POLN: variants seen among roughly 807,000 people sequenced by gnomAD.
POLN encodes DNA polymerase N.
Under a neutral mutation model 113.5 loss-of-function variants are expected in POLN, and 108 were observed. The observed-to-expected ratio is 0.95, with a 90% CI of 0.81 to 1.12. The LOEUF is 1.12. POLN is among the 50% of genes most tolerant of loss of function. The pLI, the probability that POLN is intolerant of heterozygous loss-of-function variation, is 0.00. For missense variants in POLN, 1,097 were observed against 1,077.1 expected (o/e 1.02, Z -0.26); for synonymous variants, 386 against 391.5 (o/e 0.99, Z 0.17).
At chr4:2,191,596 G>A (rs988747508) in intron 7 of POLN, among the ~76,000 whole-genome samples, 4 of 151,988 alleles carry the variant, frequency 2.6e-5, no homozygotes, top group African/African-American at 9.7e-5. Flanking sequence ...AATATCACAA[G>A]TTCCCCCAAA....
chr4:2,215,133 T>C (rs1295309130), intron 3 of POLN, among the ~76,000 whole-genome samples: 1 of 151,610 alleles, frequency 6.6e-6, no homozygotes, highest in Non-Finnish European at 1.5e-5. Flanking sequence ...GGACTGAAAA[T>C]AAAGTAGATA....
chr4:2,155,589 C>T (rs192449493), intron 16 of POLN, among the ~76,000 whole-genome samples: 44 of 152,254 alleles, frequency 2.9e-4, no homozygotes, highest in Non-Finnish European at 1.5e-5. Flanking sequence ...ACACATGTTA[C>T]GGAGGGAAGG....
chr4:2,081,855 G>C (rs1249809094), intron 21 of POLN, 112 bp from the exon 22 acceptor site: 7 of 822,970 alleles, frequency 8.5e-6, no homozygotes, highest in African/African-American at 1.7e-5. Flanking sequence ...CTGCAGTGCA[G>C]ACTCCAAGCC....
chr4:2,233,003 A>T (rs184406121), intron 2 of POLN, among the ~76,000 whole-genome samples: 1 of 152,244 alleles, frequency 6.6e-6, no homozygotes, highest in Admixed American at 6.5e-5. Context: ...TAAATTACTT[A>T]ATCTCTGTAC....
At chr4:2,135,280 CG>C (rs755017440) in intron 16 of POLN, among the ~76,000 whole-genome samples, 6 of 152,124 alleles carry the variant, frequency 3.9e-5, no homozygotes, top group Non-Finnish European at 8.8e-5. Flanking sequence ...AGACAGGAAG[CG>C]GCCACAGAAC....
At chr4:2,078,008 T>C (rs1252564941) in intron 23 of POLN, among the ~76,000 whole-genome samples, 2 of 152,202 alleles carry the variant, frequency 1.3e-5, no homozygotes, top group African/African-American at 4.8e-5. Context: ...CTGAGATCAC[T>C]GCACCAGTAG....
chr4:2,094,148 A>T (rs1486834218), intron 20 of POLN, among the ~76,000 whole-genome samples: 1 of 151,924 alleles, frequency 6.6e-6, no homozygotes, highest in Non-Finnish European at 1.5e-5. Context: ...GGAGTTCAAG[A>T]CCAGCCTGGC....
At chr4:2,238,668 G>A (rs1734852658) in intron 2 of POLN, 1 of 1,612,870 alleles carries the variant, frequency 6.2e-7, no homozygotes, top group African/African-American at 1.3e-5. Flanking sequence ...GAAACTGATG[G>A]ATCTGTTAAC....
At chr4:2,148,597 G>A (rs1732208042) in intron 16 of POLN, among the ~76,000 whole-genome samples, 1 of 151,988 alleles carries the variant, frequency 6.6e-6, no homozygotes, top group Admixed American at 6.6e-5. Flanking sequence ...AACCCAGGAG[G>A]CGGAGGTTGC....
At position 2,241,648 on chromosome 4, in the gene POLN, G is replaced by A. The variant is rs968215490; in HGVS notation, c.-141C>T. The A allele has an allele frequency of 2.3e-5, 23 of 985,368 alleles. No individual in the cohort carries two copies. Among genetic ancestry groups the A allele is most frequent in the Non-Finnish European group, 2.8e-5 (23 of 829,954 alleles). 61.0% of individuals were successfully genotyped at this position (985,368 alleles called of 1,614,324 possible). A position where few individuals can be genotyped will look rare whatever the true frequency, so the allele number is the denominator to read the frequency against. On this transcript the variant is annotated 5_prime_UTR_variant, in exon 2 of 26. Coordinates refer to ENST00000511885, the MANE Select transcript of POLN (RefSeq NM_181808.4). ...CGGGCCGGCCTTCAGCCAGCGCTGA[G>A]GCAGCCCCGACGCCAGGGCCGCGCG...
At chr4:2,128,575 G>A (rs912583203) in intron 18 of POLN, among the ~76,000 whole-genome samples, 6 of 152,226 alleles carry the variant, frequency 3.9e-5, no homozygotes, top group Non-Finnish European at 8.8e-5. Context: ...CTGGGGAAGA[G>A]GAATGGCCTG....
intron 13 of POLN, among the ~76,000 whole-genome samples, chr4:2,166,726 C>T (rs1016935934): frequency 6.6e-6 from 1 of 152,122 alleles, no homozygotes; most frequent in African/African-American, 2.4e-5. Flanking sequence ...CAGACTCTCC[C>T]GTGTTTGGAC....
intron 14 of POLN, among the ~76,000 whole-genome samples, chr4:2,158,823 G>C (rs527972517): frequency 6.6e-6 from 1 of 152,318 alleles, no homozygotes; most frequent in Non-Finnish European, 1.5e-5. Context: ...AAGCCAGGGA[G>C]GGGTTGTGGG....
chr4:2,076,793 G>C (rs1397990783), intron 23 of POLN: 1 of 152,300 alleles, frequency 6.6e-6, no homozygotes, highest in African/African-American at 2.4e-5. Flanking sequence ...GGTGGGCTGT[G>C]CTGGCACTTT....
At chr4:2,154,649 G>A (rs647217) in intron 16 of POLN, among the ~76,000 whole-genome samples, 128,180 of 151,814 alleles carry the variant, frequency 0.84, 55,207 homozygotes, top group Non-Finnish European at 0.94. Context: ...CTAGGAAATT[G>A]CACTATAGAA....
At chr4:2,176,001 C>T (rs1224017501) in intron 9 of POLN, among the ~76,000 whole-genome samples, 1 of 152,208 alleles carries the variant, frequency 6.6e-6, no homozygotes, top group African/African-American at 2.4e-5. Flanking sequence ...TCAGCTTTTA[C>T]ATTAACTATG....
At chr4:2,082,108 C>T (rs781461056) in intron 21 of POLN, among the ~76,000 whole-genome samples, 4 of 152,024 alleles carry the variant, frequency 2.6e-5, no homozygotes, top group Non-Finnish European at 4.4e-5. Context: ...GCACCTGCCA[C>T]GATGCCCAGC....
At chr4:2,112,407 C>G (rs1731217807) in intron 19 of POLN, among the ~76,000 whole-genome samples, 1 of 152,160 alleles carries the variant, frequency 6.6e-6, no homozygotes, top group African/African-American at 2.4e-5. Flanking sequence ...AACTAAAGAG[C>G]TTCTGCACAG....
At chr4:2,179,264 T>C (rs1422070078) in intron 8 of POLN, 44 bp downstream of exon 8, 1 of 1,520,732 alleles carries the variant, frequency 6.6e-7, no homozygotes, top group African/African-American at 1.4e-5. Flanking sequence ...CCAGAAAAAA[T>C]AGGATGTATT....
Sources: allele counts gnomAD v4.1 joint callset (sites outside exome capture counted in the v4.1 genomes callset), GRCh38; gene constraint gnomAD v4.1.1; transcripts MANE v1.5; gene names NCBI Gene and HGNC (gene_info 2026-07-23, HGNC 2026-07-21).